ADAMTSL1: variants seen among roughly 807,000 people sequenced by gnomAD.
ADAMTSL1 encodes the protein ADAMTS-like protein 1.
Under a neutral mutation model 201.8 loss-of-function variants are expected in ADAMTSL1, and 126 were observed. The ratio of observed to expected loss-of-function variants is 0.62; its 90% CI spans 0.54 to 0.72. ADAMTSL1 has a LOEUF of 0.72. ADAMTSL1 is among the 30% of genes least tolerant of loss of function. ADAMTSL1 has a pLI of 0.00. For missense variants in ADAMTSL1, 2,679 were observed against 2,277.8 expected, an observed-to-expected ratio of 1.18 and a Z score of -3.59; for synonymous variants, 1,121 against 903.4, an observed-to-expected ratio of 1.24 and a Z score of -4.32.
chr9:18,178,544 C>G (rs1306752505), intron 2 of ADAMTSL1, among the ~76,000 whole-genome samples: 1 of 152,042 alleles, frequency 6.6e-6, no homozygotes, highest in Non-Finnish European at 1.5e-5. Flanking sequence ...GGAGGCCTGC[C>G]TGCCTCTGTA....
intron 13 of ADAMTSL1, among the ~76,000 whole-genome samples, chr9:18,696,865 A>ATATTAT (rs142242579): frequency 0.1 from 14,330 of 142,200 alleles, 808 homozygotes; most frequent in African/African-American, 0.13. Context: ...CATGTCAAAA[A>ATATTAT]TATTATTATT....
intron 14 of ADAMTSL1, chr9:18,718,250 C>A: frequency 1.3e-6 from 1 of 759,090 alleles, no homozygotes; most frequent in Non-Finnish European, 2.5e-6. Context: ...TCAAGTCTTG[C>A]AAATCATTAA....
chr9:18,200,555 G>A (rs1289550695), intron 2 of ADAMTSL1, among the ~76,000 whole-genome samples: 3 of 151,854 alleles, frequency 2.0e-5, no homozygotes, highest in Admixed American at 1.3e-4. Flanking sequence ...ACTTAAAGTT[G>A]CAAACATGGG....
At chr9:18,119,523 A>C (rs1293517874) in intron 1 of ADAMTSL1, among the ~76,000 whole-genome samples, 1 of 151,994 alleles carries the variant, frequency 6.6e-6, no homozygotes, top group African/African-American at 2.4e-5. Context: ...GACTGGTCTC[A>C]AACTCCTGAC....
chr9:18,003,038 C>T (rs1819675432), intron 1 of ADAMTSL1, among the ~76,000 whole-genome samples: 2 of 151,944 alleles, frequency 1.3e-5, no homozygotes, highest in South Asian at 4.2e-4. Flanking sequence ...GCTTCCAGGC[C>T]CATCCTGGAG....
At chr9:18,112,459 T>C (rs957355556) in intron 1 of ADAMTSL1, among the ~76,000 whole-genome samples, 28 of 152,004 alleles carry the variant, frequency 1.8e-4, no homozygotes, top group African/African-American at 6.8e-4. Context: ...AACAGTTATA[T>C]ACTCACAAAT....
intron 17 of ADAMTSL1, 45 bp from the exon 18 acceptor site, chr9:18,775,697 CT>C: frequency 6.3e-7 from 1 of 1,594,362 alleles, no homozygotes; most frequent in African/African-American, 1.3e-5. Context: ...AAATTAGCTT[CT>C]AGTTCCCAGA....
intron 26 of ADAMTSL1, chr9:18,905,502 A>C: frequency 2.4e-6 from 1 of 412,764 alleles, no homozygotes. Context: ...TATCTTTCAT[A>C]TGATTAATCT....
intron 2 of ADAMTSL1, among the ~76,000 whole-genome samples, chr9:18,241,989 G>A (rs964865532): frequency 7.9e-5 from 12 of 151,998 alleles, no homozygotes; most frequent in Non-Finnish European, 1.8e-4. Flanking sequence ...ACTCGAGGGG[G>A]AGTACTTCCT....
intron 1 of ADAMTSL1, among the ~76,000 whole-genome samples, chr9:18,072,189 C>T (rs965707810): frequency 6.6e-6 from 1 of 152,158 alleles, no homozygotes; most frequent in Non-Finnish European, 1.5e-5. Context: ...CAAAAATGGG[C>T]TGATTGAAGG....
At position 18,089,079 on chromosome 9, in the gene ADAMTSL1, G is replaced by C. The variant is rs1015762753; in HGVS notation, c.88-74783G>C. Among the ~76,000 whole-genome samples, 8 of 152,164 alleles carry C rather than the reference G, an allele frequency of 5.3e-5. No homozygotes were observed. In the East Asian group the frequency reaches 1.5e-3, roughly 29 times the overall value. On this transcript the variant is annotated intron_variant, in intron 1 of 29. Coordinates refer to the ADAMTSL1 transcript ENST00000680146. Reference sequence around the variant, plus strand: ...TTTAAAAAGAAGAAAATGAACCCAGGAGATGGAGGTCGCAGTGAGCCAAGA... The same window carrying C: ...TTTAAAAAGAAGAAAATGAACCCAGCAGATGGAGGTCGCAGTGAGCCAAGA...
At chr9:18,807,892 C>CT (rs1159106895) in intron 20 of ADAMTSL1, among the ~76,000 whole-genome samples, 2 of 152,102 alleles carry the variant, frequency 1.3e-5, no homozygotes, top group African/African-American at 4.8e-5. Context: ...TATGGTTAAA[C>CT]TAGTACTAGT....
intron 15 of ADAMTSL1, among the ~76,000 whole-genome samples, chr9:18,736,494 G>A (rs1287709977): frequency 2.6e-5 from 4 of 152,158 alleles, no homozygotes; most frequent in African/African-American, 9.7e-5. Context: ...ACCCATGGTG[G>A]AGTGAAGTGA....
upstream of ADAMTSL1, among the ~76,000 whole-genome samples, chr9:18,469,173 C>T (rs1000121595): frequency 1.3e-5 from 2 of 152,186 alleles, no homozygotes; most frequent in African/African-American, 4.8e-5. Context: ...TTTTCCTCTA[C>T]CAAACTCCTC....
chr9:18,431,664 C>A (rs929335214), intron 2 of ADAMTSL1, among the ~76,000 whole-genome samples: 26 of 152,124 alleles, frequency 1.7e-4, no homozygotes, highest in Admixed American at 2.6e-4. Context: ...TCTTCACCTT[C>A]TTCCACCTTG....
rs549621476 is a variant in ADAMTSL1, at chr9:18,565,750, G to C, written c.238-8280G>C. Among the ~76,000 whole-genome samples the C allele has an allele frequency of 5.3e-5, 8 of 152,198 alleles. No homozygotes were observed. In the East Asian group the frequency reaches 1.5e-3, roughly 29 times the overall value. Reference sequence around the variant, plus strand: ...TAAAATGTAACAGAGTTGTCTCCACGCAGACTGTCTAGACAGGGCAGCAAC... The same window carrying C: ...TAAAATGTAACAGAGTTGTCTCCACCCAGACTGTCTAGACAGGGCAGCAAC... On this transcript the variant is annotated intron_variant, in intron 3 of 28. Coordinates refer to ENST00000380548, the MANE Select transcript of ADAMTSL1 (RefSeq NM_001040272.6).
intron 1 of ADAMTSL1, among the ~76,000 whole-genome samples, chr9:18,025,282 AT>A (rs1419246346): frequency 3.3e-5 from 5 of 151,796 alleles, no homozygotes; most frequent in Non-Finnish European, 7.4e-5. Flanking sequence ...GTCAATTTTT[AT>A]TTTTGTTGCA....
chr9:18,074,561 C>CTTTTTTTTTTTTTTTTTTTTTTTTT (rs138619215), intron 1 of ADAMTSL1, among the ~76,000 whole-genome samples: 2 of 131,346 alleles, frequency 1.5e-5, no homozygotes, highest in African/African-American at 2.8e-5. Context: ...CTTCTCTTTT[C>CTTTTTTTTTTTTTTTTTTTTTTTTT]TTTTTTTTTT....
At chr9:18,513,639 G>C (rs529491390) in intron 2 of ADAMTSL1, among the ~76,000 whole-genome samples, 1 of 152,152 alleles carries the variant, frequency 6.6e-6, no homozygotes, top group Non-Finnish European at 1.5e-5. Context: ...TTATATTTAA[G>C]TCTATAGTCC....
Sources: gnomAD v4.1 joint callset for allele counts (sites outside exome capture counted in the v4.1 genomes callset) on GRCh38, gnomAD v4.1.1 for gene constraint, MANE v1.5 for transcripts, NCBI Gene and HGNC (gene_info 2026-07-23, HGNC 2026-07-21) for gene names.